CSMD1: variants seen among roughly 807,000 people sequenced by gnomAD.
The protein encoded by CSMD1 is CUB and Sushi multiple domains 1, also known as CUB and sushi domain-containing protein 1.
CSMD1 carries 213 observed loss-of-function variants against 417.5 expected under a neutral mutation model. The observed-to-expected ratio is 0.51, with a 90% CI of 0.46 to 0.57. The LOEUF is 0.57. CSMD1 is among the 20% of genes least tolerant of loss of function. The pLI, the probability that CSMD1 is intolerant of heterozygous loss-of-function variation, is 0.00. For missense variants in CSMD1, 6,923 were observed against 4,529.7 expected (o/e 1.53, Z -15.17); for synonymous variants, 2,862 against 1,736.8 (o/e 1.65, Z -16.11).
At chr8:4,684,526 CA>C (rs545907681) in intron 1 of CSMD1, among the ~76,000 whole-genome samples, 3 of 151,976 alleles carry the variant, frequency 2.0e-5, no homozygotes, top group Non-Finnish European at 2.9e-5. Flanking sequence ...TCTCTGTTTT[CA>C]AAAAAACATA....
chr8:3,008,158 T>A (rs1749762080), intron 52 of CSMD1, among the ~76,000 whole-genome samples: 1 of 152,176 alleles, frequency 6.6e-6, no homozygotes, highest in South Asian at 2.1e-4. Flanking sequence ...ATAGAGTATG[T>A]CGCAAGCAAA....
At chr8:3,033,136 G>C (rs573178134) in intron 50 of CSMD1, among the ~76,000 whole-genome samples, 3 of 151,968 alleles carry the variant, frequency 2.0e-5, no homozygotes, top group East Asian at 1.9e-4. Flanking sequence ...TATTTTGAAA[G>C]TTCTTTATGA....
At chr8:3,700,083 C>A (rs563675820) in intron 7 of CSMD1, among the ~76,000 whole-genome samples, 10 of 152,186 alleles carry the variant, frequency 6.6e-5, no homozygotes, top group South Asian at 4.1e-4. Flanking sequence ...AAGAATGATA[C>A]AAAGGGCTCT....
chr8:4,628,326 G>A (rs914126121), intron 2 of CSMD1, among the ~76,000 whole-genome samples: 1 of 150,170 alleles, frequency 6.7e-6, no homozygotes, highest in African/African-American at 2.4e-5. Context: ...GTTTTAGGAA[G>A]TCCAATTTTT....
At chr8:4,437,198 A>G (rs1798197601) in intron 2 of CSMD1, among the ~76,000 whole-genome samples, 1 of 152,252 alleles carries the variant, frequency 6.6e-6, no homozygotes, top group Non-Finnish European at 1.5e-5. Flanking sequence ...GTCTCAACAA[A>G]TCAAATCAAT....
intron 3 of CSMD1, among the ~76,000 whole-genome samples, chr8:4,236,485 G>A (rs556764352): frequency 2.0e-5 from 3 of 152,216 alleles, no homozygotes; most frequent in Admixed American, 6.5e-5. Flanking sequence ...GTATTCATGG[G>A]CCAGAGTAGG....
At chr8:4,459,876 T>C (rs757680088) in intron 2 of CSMD1, among the ~76,000 whole-genome samples, 25 of 152,122 alleles carry the variant, frequency 1.6e-4, no homozygotes, top group Non-Finnish European at 3.1e-4. Flanking sequence ...TCAAAATATA[T>C]AAAACAGAAC....
chr8:2,971,088 CA>C (rs1316106280), intron 57 of CSMD1, among the ~76,000 whole-genome samples: 1 of 152,128 alleles, frequency 6.6e-6, no homozygotes, highest in Non-Finnish European at 1.5e-5. Context: ...TTCCTAAGAA[CA>C]AAGGCATTCT....
At position 4,153,123 on chromosome 8, in the gene CSMD1, A is replaced by G. The variant is rs567422033; in HGVS notation, c.416-121024T>C. Among the ~76,000 whole-genome samples the G allele has an allele frequency of 6.6e-5, 10 of 152,294 alleles. 1 individual carries two copies. The South Asian group carries it at 1.9e-3, about 28-fold the overall frequency. Reference sequence around the variant, plus strand: ...AATGTAGCCGTAAAGGAAAATGGCAATGTTGTATTGAATACTGAATCTTGA... The same window carrying G: ...AATGTAGCCGTAAAGGAAAATGGCAGTGTTGTATTGAATACTGAATCTTGA... On this transcript the variant is annotated intron_variant, in intron 3 of 69. Coordinates refer to ENST00000635120, the MANE Select transcript of CSMD1 (RefSeq NM_033225.6).
intron 10 of CSMD1, among the ~76,000 whole-genome samples, chr8:3,503,598 T>C (rs980951283): frequency 6.6e-6 from 1 of 152,218 alleles, no homozygotes; most frequent in African/African-American, 2.4e-5. Flanking sequence ...CAAGTCCCTT[T>C]TGTCAGCTTT....
chr8:4,912,616 T>G (rs1354217000), intron 1 of CSMD1, among the ~76,000 whole-genome samples: 1 of 152,198 alleles, frequency 6.6e-6, no homozygotes, highest in African/African-American at 2.4e-5. Context: ...AGCTCAAGTT[T>G]GTTTGGCTTC....
chr8:3,651,997 T>C (rs1483081535), intron 7 of CSMD1, among the ~76,000 whole-genome samples: 2 of 138,138 alleles, frequency 1.4e-5, no homozygotes, highest in East Asian at 4.4e-4. Flanking sequence ...TCATTACACA[T>C]ACCATCAGTG....
intron 1 of CSMD1, among the ~76,000 whole-genome samples, chr8:4,830,529 G>A (rs1800088698): frequency 6.6e-6 from 1 of 152,194 alleles, no homozygotes; most frequent in Non-Finnish European, 1.5e-5. Context: ...GGATTACCAG[G>A]AGATTGCAGT....
At chr8:3,606,638 A>C (rs1400273082) in intron 8 of CSMD1, among the ~76,000 whole-genome samples, 2 of 152,050 alleles carry the variant, frequency 1.3e-5, no homozygotes, top group Non-Finnish European at 2.9e-5. Context: ...TTGGGCCACT[A>C]TAAATTTATT....
At chr8:3,595,334 G>A (rs1312620111) in intron 8 of CSMD1, among the ~76,000 whole-genome samples, 4 of 152,184 alleles carry the variant, frequency 2.6e-5, no homozygotes, top group African/African-American at 9.6e-5. Flanking sequence ...ATCTGCTGTG[G>A]ATATTGAAAT....
chr8:3,666,234 G>C (rs976232115), intron 7 of CSMD1, among the ~76,000 whole-genome samples: 1 of 151,882 alleles, frequency 6.6e-6, no homozygotes, highest in Non-Finnish European at 1.5e-5. Context: ...CCACCACACT[G>C]GTGAGACTTT....
At chr8:4,807,872 G>A (rs975459522) in intron 1 of CSMD1, among the ~76,000 whole-genome samples, 1 of 152,082 alleles carries the variant, frequency 6.6e-6, no homozygotes, top group Non-Finnish European at 1.5e-5. Flanking sequence ...GTAAGAGGAG[G>A]AGTATATTCT....
chr8:4,186,947 A>C (rs3860864), intron 3 of CSMD1, among the ~76,000 whole-genome samples: 126,737 of 151,814 alleles, frequency 0.83, 53,112 homozygotes, highest in South Asian at 0.94. Flanking sequence ...AGTGAGCTGC[A>C]CTCTAGCCTG....
intron 7 of CSMD1, among the ~76,000 whole-genome samples, chr8:3,617,463 A>G (rs2291224): frequency 0.17 from 25,945 of 152,006 alleles, 2,515 homozygotes; most frequent in African/African-American, 0.26. Context: ...TCAAACTAAC[A>G]CATTTCTTTT....
Sources: allele counts gnomAD v4.1 joint callset (sites outside exome capture counted in the v4.1 genomes callset), GRCh38; gene constraint gnomAD v4.1.1; transcripts MANE v1.5; gene names NCBI Gene and HGNC (gene_info 2026-07-23, HGNC 2026-07-21).